BICD1: variants seen among roughly 807,000 people sequenced by gnomAD.
BICD1 encodes protein bicaudal D homolog 1.
BICD1 carries 35 observed loss-of-function variants against 92.5 expected under a neutral mutation model. The observed-to-expected ratio is 0.38, with a 90% CI of 0.29 to 0.50. The LOEUF is 0.50. Ranked by LOEUF, BICD1 falls within the 20% of genes least tolerant of loss-of-function variation. The pLI, the probability that BICD1 is intolerant of heterozygous loss-of-function variation, is 0.93. For synonymous variants in BICD1, 429 were observed against 465.1 expected (o/e 0.92, Z 1.00); for missense variants, 950 against 1,189.8 (o/e 0.80, Z 2.97).
At chr12:32,300,631 A>ATTTTTT (rs34219566) in intron 3 of BICD1, among the ~76,000 whole-genome samples, 6 of 80,592 alleles carry the variant, frequency 7.4e-5, no homozygotes, top group Non-Finnish European at 7.6e-5. Context: ...ACTTTACAGT[A>ATTTTTT]TTTTTTTTTT....
At chr12:32,212,309 A>G (rs1017730361) in intron 1 of BICD1, among the ~76,000 whole-genome samples, 7 of 152,032 alleles carry the variant, frequency 4.6e-5, no homozygotes, top group African/African-American at 1.2e-4. Context: ...TGATTAACAC[A>G]TAATCTTTTC....
chr12:32,333,424 T>C (rs1278684602), intron 5 of BICD1, among the ~76,000 whole-genome samples: 1 of 152,182 alleles, frequency 6.6e-6, no homozygotes, highest in African/African-American at 2.4e-5. Context: ...TATCCCAACA[T>C]TGATTTAATT....
chr12:32,152,507 T>C (rs980451397), intron 1 of BICD1, among the ~76,000 whole-genome samples: 1 of 152,178 alleles, frequency 6.6e-6, no homozygotes, highest in African/African-American at 2.4e-5. Context: ...ATTACAGGCG[T>C]GAGCCAATGC....
intron 8 of BICD1, chr12:32,353,600 A>G (rs528320766): frequency 6.6e-6 from 1 of 152,320 alleles, no homozygotes; most frequent in African/African-American, 2.4e-5. Flanking sequence ...TGAAGAAAAT[A>G]TTAAACAAGA....
At chr12:32,238,468 C>T (rs1946137241) in intron 2 of BICD1, among the ~76,000 whole-genome samples, 2 of 152,120 alleles carry the variant, frequency 1.3e-5, no homozygotes, top group Admixed American at 1.3e-4. Context: ...GAAATGACAC[C>T]ATAGGATTTA....
chr12:32,123,984 G>A (rs1027325062), intron 1 of BICD1, among the ~76,000 whole-genome samples: 1 of 152,130 alleles, frequency 6.6e-6, no homozygotes, highest in African/African-American at 2.4e-5. Flanking sequence ...TTACTCAAAA[G>A]ACACTGCGCT....
intron 6 of BICD1, among the ~76,000 whole-genome samples, chr12:32,335,926 C>A (rs967428930): frequency 6.6e-6 from 1 of 152,004 alleles, no homozygotes; most frequent in Non-Finnish European, 1.5e-5. Context: ...AAACTTGGTG[C>A]AAAATTCACG....
chr12:32,369,740 A>T (rs199684552), intron 9 of BICD1, among the ~76,000 whole-genome samples: 52 of 148,352 alleles, frequency 3.5e-4, no homozygotes, highest in African/African-American at 1.2e-3. Context: ...CCTCTACCAA[A>T]TTTTTTTTTT....
At chr12:32,300,065 G>A (rs549157260) in intron 3 of BICD1, among the ~76,000 whole-genome samples, 4 of 151,824 alleles carry the variant, frequency 2.6e-5, no homozygotes, top group African/African-American at 9.7e-5. Context: ...CTGTCTACAC[G>A]AAAATAGGTG....
At chr12:32,211,001 T>A (rs1945198430) in intron 1 of BICD1, among the ~76,000 whole-genome samples, 1 of 152,176 alleles carries the variant, frequency 6.6e-6, no homozygotes, top group Admixed American at 6.5e-5. Flanking sequence ...AGCAGCCAGA[T>A]GATAGATGTC....
intron 1 of BICD1, among the ~76,000 whole-genome samples, chr12:32,113,316 TA>T (rs972638137): frequency 4.0e-4 from 61 of 152,156 alleles, no homozygotes; most frequent in African/African-American, 1.4e-3. Flanking sequence ...GAGGTGGTTC[TA>T]TTTACAAAGG....
intron 2 of BICD1, among the ~76,000 whole-genome samples, chr12:32,286,572 G>C (rs1456074773): frequency 6.6e-6 from 1 of 152,102 alleles, no homozygotes; most frequent in Non-Finnish European, 1.5e-5. Context: ...AGGAACAGAA[G>C]GCAGAAACCA....
intron 2 of BICD1, chr12:32,228,085 A>G (rs916883007): frequency 1.3e-5 from 3 of 230,334 alleles, no homozygotes; most frequent in African/African-American, 6.9e-5. Flanking sequence ...ACATGGACGT[A>G]GGACATTAGG....
At chr12:32,292,328 A>T (rs1027571836) in intron 2 of BICD1, among the ~76,000 whole-genome samples, 1 of 152,152 alleles carries the variant, frequency 6.6e-6, no homozygotes, top group Non-Finnish European at 1.5e-5. Context: ...CCCATCCCAC[A>T]TGCAGAAGTA....
intron 1 of BICD1, among the ~76,000 whole-genome samples, chr12:32,184,195 G>A (rs1944361808): frequency 1.3e-5 from 2 of 152,126 alleles, no homozygotes; most frequent in South Asian, 4.2e-4. Flanking sequence ...AAACATATTT[G>A]TTGATTTGAT....
At chr12:32,288,303 C>T (rs573638097) in intron 2 of BICD1, among the ~76,000 whole-genome samples, 12 of 146,804 alleles carry the variant, frequency 8.2e-5, no homozygotes, top group South Asian at 6.4e-4. Flanking sequence ...ATGATCATGG[C>T]TCACTGCAGG....
At chr12:32,318,487 G>A (rs1450899330) in intron 4 of BICD1, among the ~76,000 whole-genome samples, 1 of 152,144 alleles carries the variant, frequency 6.6e-6, no homozygotes, top group Non-Finnish European at 1.5e-5. Context: ...GTGAATGGGA[G>A]TTCACTCATG....
chr12:32,192,973 CTG>C (rs1759199818), intron 1 of BICD1, among the ~76,000 whole-genome samples: 1 of 152,190 alleles, frequency 6.6e-6, no homozygotes, highest in African/African-American at 2.4e-5. Context: ...GAATCTACTC[CTG>C]GTGAAGATGC....
chr12:32,138,983 A>G (rs1283085479), intron 1 of BICD1, among the ~76,000 whole-genome samples: 1 of 152,232 alleles, frequency 6.6e-6, no homozygotes, highest in South Asian at 2.1e-4. Flanking sequence ...ATTAATTTAT[A>G]TCCTTCAAAG....
Sources: gnomAD v4.1 joint callset for allele counts (sites outside exome capture counted in the v4.1 genomes callset) on GRCh38, gnomAD v4.1.1 for gene constraint, MANE v1.5 for transcripts, NCBI Gene and HGNC (gene_info 2026-07-23, HGNC 2026-07-21) for gene names.